UBE2C: variants seen among roughly 807,000 people sequenced by gnomAD.
The protein encoded by UBE2C is ubiquitin-conjugating enzyme E2 C.
Under a neutral mutation model 23.5 loss-of-function variants are expected in UBE2C, and 16 were observed. The observed-to-expected ratio is 0.68, with a 90% confidence interval of 0.46 to 1.03. The LOEUF (loss-of-function observed/expected upper bound fraction) is 1.03, where lower values mean the gene tolerates loss of function less well. Ranked by LOEUF, UBE2C falls within the 50% of genes least tolerant of loss-of-function variation. The probability of loss-of-function intolerance (pLI) is 0.00; values close to 1 mark genes in which losing one functional copy is unlikely to be tolerated. For synonymous variants in UBE2C, 76 were observed against 91.6 expected (o/e 0.83, Z 0.97); for missense variants, 192 against 227.6 (o/e 0.84, Z 1.01).
intron 5 of UBE2C, 141 bp downstream of exon 5, chr20:45,816,054 C>T (rs952128162): frequency 2.7e-6 from 2 of 745,874 alleles, no homozygotes; most frequent in African/African-American, 1.8e-5. Flanking sequence ...CTGTTTCTGC[C>T]CCAGTGCTCC....
At chr20:45,815,354 A>C (rs193140601) in intron 3 of UBE2C, 187 bp from the exon 4 acceptor site, 1 of 1,560,898 alleles carries the variant, frequency 6.4e-7, no homozygotes, top group African/African-American at 1.4e-5. Flanking sequence ...CCCTGTCTCT[A>C]AAATAAAAAC....
In UBE2C at chr20:45,815,595, T is replaced by TA; in HGVS notation, c.272dup (p.Tyr91Ter). 1 of 1,614,062 alleles carries TA rather than the reference T, an allele frequency of 6.2e-7. No individual in the cohort carries two copies. The highest frequency in any genetic ancestry group is 2.2e-5 in the East Asian group (1 of 44,862). The stretch of plus-strand genomic sequence containing the variant: ...GCTAGAGTTCCCCAGTGGCTACCCT[T>TA]ACAATGCGCCCACAGTGAAGTTCCT... Reference protein sequence around the residue: ...LSLEFPSGYPYNAPTVKFLTP... With the variant: ...LSLEFPSGYP The change falls in exon 4 of 6, where the codon TAC becomes TAAC. Residue 91 changes from tyrosine to a stop codon, truncating the protein, a stop_gained and frameshift_variant. Transcript: ENST00000356455. LOFTEE classifies it high-confidence loss of function.
chr20:45,814,750 C>A (rs1207028728), intron 3 of UBE2C, among the ~76,000 whole-genome samples: 1 of 152,200 alleles, frequency 6.6e-6, no homozygotes, highest in African/African-American at 2.4e-5. Flanking sequence ...AGGCAGCTTC[C>A]CATTGCTGCA....
chr20:45,813,602 C>A (rs1358565991), intron 2 of UBE2C, 138 bp downstream of exon 2: 4 of 1,089,704 alleles, frequency 3.7e-6, no homozygotes, highest in Admixed American at 1.9e-5. Flanking sequence ...ACCCCACCTA[C>A]ACCATTTCTT....
intron 5 of UBE2C, among the ~76,000 whole-genome samples, chr20:45,816,285 C>CCCTCCTCCA (rs1442538595): frequency 6.6e-6 from 1 of 152,068 alleles, no homozygotes; most frequent in Non-Finnish European, 1.5e-5. Context: ...GGAAACCAGC[C>CCCTCCTCCA]CCTCCTCCAC....
At chr20:45,814,855 G>A (rs1291911294) in intron 3 of UBE2C, among the ~76,000 whole-genome samples, 3 of 146,340 alleles carry the variant, frequency 2.1e-5, no homozygotes, top group South Asian at 2.2e-4. Context: ...TTTTTGAGAC[G>A]GAGTCTCGCT....
chr20:45,813,566 C>T (rs991545820), intron 2 of UBE2C, 102 bp downstream of exon 2: 15 of 1,520,196 alleles, frequency 9.9e-6, no homozygotes, highest in African/African-American at 1.4e-5. Flanking sequence ...ATGTAATTTG[C>T]TCCCTCCTGG....
chr20:45,814,591 C>A, intron 3 of UBE2C, 121 bp downstream of exon 3: 1 of 696,646 alleles, frequency 1.4e-6, no homozygotes, highest in Non-Finnish European at 2.3e-6. Flanking sequence ...TGTTTACATT[C>A]TCTGAGCCAT....
chr20:45,814,138 C>T (rs1478674466), intron 2 of UBE2C, among the ~76,000 whole-genome samples: 5 of 145,824 alleles, frequency 3.4e-5, no homozygotes, highest in Non-Finnish European at 7.4e-5. Flanking sequence ...ATCTCTCTCT[C>T]TCTCTCTCTA....
intron 2 of UBE2C, among the ~76,000 whole-genome samples, chr20:45,813,886 C>T (rs974575996): frequency 1.3e-5 from 2 of 152,112 alleles, no homozygotes; most frequent in African/African-American, 2.4e-5. Context: ...GGGCGGATCA[C>T]TTGAGGTCAG....
Position 45,816,805 on chromosome 20 carries a change from A to C in UBE2C, c.*38A>C. ...AGCCTGTCCTTGTGTCGTCTTTTTA[A>C]TTTTTCCTTAGATGGTCTGTCCTTT... is the stretch of plus-strand genomic sequence containing the variant. On this transcript the variant is annotated 3_prime_UTR_variant, in exon 6 of 6. Coordinates refer to ENST00000356455, the MANE Select transcript of UBE2C (RefSeq NM_007019.4). 2 of 1,580,258 alleles carry C rather than the reference A, an allele frequency of 1.3e-6. No homozygotes were observed. Among genetic ancestry groups the C allele is most frequent in the South Asian group, 2.3e-5 (2 of 88,300 alleles).
rs183085591 is a variant in UBE2C, at chr20:45,813,914, G to A, written c.129+450G>A. Among the ~76,000 whole-genome samples, 153 of 152,138 alleles carry A rather than the reference G, an allele frequency of 1.0e-3. 1 individual carries two copies. The highest frequency in any genetic ancestry group is 3.4e-3 in the Middle Eastern group (1 of 294). On this transcript the variant is annotated intron_variant, in intron 2 of 5. Transcript: ENST00000356455. Reference sequence around the variant, plus strand: ...GAGGTCAGGAGTTCGAGACCAGCCTGGCCAACATTGCAAAACCCTGTCTCT... The same window carrying A: ...GAGGTCAGGAGTTCGAGACCAGCCTAGCCAACATTGCAAAACCCTGTCTCT...
chr20:45,814,173 T>C (rs950982496), intron 2 of UBE2C, among the ~76,000 whole-genome samples: 1 of 150,218 alleles, frequency 6.7e-6, no homozygotes, highest in African/African-American at 2.5e-5. Flanking sequence ...TAAATATATA[T>C]TTTTTAGTAG....
At chr20:45,814,114 A>G (rs991867353) in intron 2 of UBE2C, among the ~76,000 whole-genome samples, 3 of 134,420 alleles carry the variant, frequency 2.2e-5, no homozygotes, top group Non-Finnish European at 3.2e-5. Context: ...GTCTCTGTCT[A>G]TCTCTCTCTC....
intron 2 of UBE2C, among the ~76,000 whole-genome samples, chr20:45,814,071 C>G (rs1333061311): frequency 6.6e-6 from 1 of 151,650 alleles, no homozygotes; most frequent in East Asian, 1.9e-4. Flanking sequence ...CCACTGCACT[C>G]TAGCCTGGGC....
chr20:45,816,736 A>C lies in UBE2C; in HGVS notation c.509A>C (p.Tyr170Ser), dbSNP rs1568717224. ...TAFKKYLQET[Y>S]SKQVTSQEP ...TTTAAGAAGTACCTGCAAGAAACCT[A>C]CTCAAAGCAGGTCACCAGCCAGGAG... The change falls in exon 6 of 6, where the codon TAC (tyrosine) becomes TCC (serine). Residue 170 changes from tyrosine (Y) to serine (S), a missense_variant. Physicochemically the swap from Tyr to Ser is moderately radical, Grantham distance 144. Coordinates refer to ENST00000356455, the MANE Select transcript of UBE2C (RefSeq NM_007019.4). 5.0e-6 allele frequency: 8 copies of C among 1,613,670 alleles called. No homozygotes were observed. The highest frequency in any genetic ancestry group is 5.1e-6 in the Non-Finnish European group (6 of 1,179,750).
At chr20:45,814,146 C>CTCTA (rs1158772080) in intron 2 of UBE2C, among the ~76,000 whole-genome samples, 45 of 133,948 alleles carry the variant, frequency 3.4e-4, no homozygotes, top group East Asian at 1.0e-3. Context: ...CTCTCTCTCT[C>CTCTA]TATATATATA....
intron 4 of UBE2C, 23 bp downstream of exon 4, chr20:45,815,768 C>T (rs760822195): frequency 1.2e-6 from 2 of 1,611,870 alleles, no homozygotes; most frequent in Non-Finnish European, 1.7e-6. Flanking sequence ...ACCACCCCTC[C>T]CCTCCATGCA....
chr20:45,815,508 A>C (rs753193301), intron 3 of UBE2C, 33 bp from the exon 4 acceptor site: 2 of 1,613,956 alleles, frequency 1.2e-6, no homozygotes, highest in Admixed American at 3.3e-5. Context: ...CTGCTGCTGG[A>C]GCTTACTCTG....
Sources: gnomAD v4.1 joint callset for allele counts (sites outside exome capture counted in the v4.1 genomes callset) on GRCh38, gnomAD v4.1.1 for gene constraint, MANE v1.5 for transcripts, NCBI Gene and HGNC (gene_info 2026-07-23, HGNC 2026-07-21) for gene names.